TBC1D5: variants seen among roughly 807,000 people sequenced by gnomAD.
TBC1D5 encodes TBC1 domain family, member 5.
A neutral mutation model predicts 100.3 loss-of-function variants in TBC1D5; 75 were observed. The observed-to-expected ratio is 0.75, with a 90% confidence interval of 0.62 to 0.91. TBC1D5 has a LOEUF of 0.91. Ranked by LOEUF, TBC1D5 falls within the 40% of genes least tolerant of loss-of-function variation. The pLI, the probability that TBC1D5 is intolerant of heterozygous loss-of-function variation, is 0.00. For synonymous variants in TBC1D5, 323 were observed against 325.6 expected, an observed-to-expected ratio of 0.99 and a Z score of 0.09; for missense variants, 910 against 942.4, an observed-to-expected ratio of 0.97 and a Z score of 0.45.
In TBC1D5 at chr3:17,690,427, G is replaced by A. The variant is rs1321253131; in HGVS notation, c.-101+48916C>T. Among the ~76,000 whole-genome samples, 4 of 39,878 alleles carry A rather than the reference G, an allele frequency of 1.0e-4. 1 individual carries two copies. Among genetic ancestry groups the A allele is most frequent in the Admixed American group, 6.3e-4 (2 of 3,152 alleles). 26.2% of individuals were successfully genotyped at this position (39,878 alleles called of 152,430 possible). A position where few individuals can be genotyped will look rare whatever the true frequency, so the allele number is the denominator to read the frequency against. On this transcript the variant is annotated intron_variant, in intron 1 of 21. Transcript: ENST00000253692. ...GAGACGGGGTTTCACCGTTTTAGCC[G>A]GGATGGTCTCGATCTCCTGACCTCG...
chr3:17,690,202 A>ATT lies in TBC1D5; in HGVS notation c.-101+49140_-101+49141insAA, dbSNP rs1330856968. On this transcript the variant is annotated intron_variant, in intron 1 of 21. Transcript: ENST00000253692. The stretch of plus-strand genomic sequence containing the variant: ...AGAGAACTGAAGCATAAAAATAGCC[A>ATT]TATTTTTTTTTTTTTTTTTTTTTTT... Among the ~76,000 whole-genome samples the ATT allele has an allele frequency of 5.7e-4, 35 of 61,028 alleles. 5 individuals are homozygous for ATT. The highest frequency in any genetic ancestry group is 1.7e-3 in the African/African-American group (30 of 17,678). 40.0% of individuals were successfully genotyped at this position (61,028 alleles called of 152,430 possible). A position where few individuals can be genotyped will look rare whatever the true frequency, so the allele number is the denominator to read the frequency against.
intron 4 of TBC1D5, among the ~76,000 whole-genome samples, chr3:17,420,607 C>CT (rs1185625939): frequency 6.6e-6 from 1 of 152,082 alleles, no homozygotes; most frequent in African/African-American, 2.4e-5. Flanking sequence ...ATTTTTAAGT[C>CT]TATTTTTGAA....
chr3:17,668,642 T>C (rs189758065), intron 1 of TBC1D5, among the ~76,000 whole-genome samples: 1 of 152,290 alleles, frequency 6.6e-6, no homozygotes, highest in South Asian at 2.1e-4. Flanking sequence ...CTGGCATCCA[T>C]AGGCCACTTC....
chr3:17,735,313 G>A (rs1484053080), intron 1 of TBC1D5, among the ~76,000 whole-genome samples: 1 of 152,156 alleles, frequency 6.6e-6, no homozygotes, highest in Non-Finnish European at 1.5e-5. Flanking sequence ...ATAGTATGGG[G>A]CCACTAAAAG....
rs376487266 is a variant in TBC1D5, at chr3:17,221,478, T to TG, written c.1589-7109_1589-7108insC. Among the ~76,000 whole-genome samples, 1,392 of 152,130 alleles carry TG rather than the reference T, an allele frequency of 9.2e-3. 23 individuals are homozygous for TG. Among genetic ancestry groups the TG allele is most frequent in the African/African-American group, 0.031 (1,299 of 41,476 alleles). ...AGTCCCCAGTGTGTGATGTTCCCCT[T>TG]CCTGTGAGTTCTTAAAGTAGAAGAG... On this transcript the variant is annotated intron_variant, in intron 17 of 21. Coordinates refer to ENST00000253692, the Ensembl canonical transcript of TBC1D5.
At chr3:17,730,228 T>TGTAGCAAATTAAGTAAA in intron 1 of TBC1D5, among the ~76,000 whole-genome samples, 1 of 152,226 alleles carries the variant, frequency 6.6e-6, no homozygotes, top group East Asian at 1.9e-4. Context: ...TTTAAGTTTG[T>TGTAGCAAATTAAGTAAA]GTAGCAAATT....
intron 13 of TBC1D5, among the ~76,000 whole-genome samples, chr3:17,359,308 C>T (rs1283275988): frequency 6.6e-6 from 1 of 152,040 alleles, no homozygotes; most frequent in African/African-American, 2.4e-5. Context: ...CATCTTATGA[C>T]ATTATGAAAG....
chr3:17,630,968 C>T (rs915211052), intron 1 of TBC1D5, among the ~76,000 whole-genome samples: 34 of 146,392 alleles, frequency 2.3e-4, no homozygotes, highest in African/African-American at 7.9e-4. Flanking sequence ...GGTGTGAACC[C>T]GGGAGGCAGA....
At chr3:17,390,235 C>G (rs541281885) in intron 8 of TBC1D5, among the ~76,000 whole-genome samples, 1 of 152,110 alleles carries the variant, frequency 6.6e-6, no homozygotes, top group East Asian at 1.9e-4. Flanking sequence ...CTTTGGAGCC[C>G]CAATAACCAG....
At chr3:17,215,200 A>T (rs2073480429) in intron 17 of TBC1D5, among the ~76,000 whole-genome samples, 1 of 152,152 alleles carries the variant, frequency 6.6e-6, no homozygotes, top group African/African-American at 2.4e-5. Flanking sequence ...GAACAGAATC[A>T]GAGATGGTCA....
At chr3:17,391,062 C>T (rs1026778750) in intron 8 of TBC1D5, among the ~76,000 whole-genome samples, 18 of 152,224 alleles carry the variant, frequency 1.2e-4, no homozygotes, top group Non-Finnish European at 2.6e-4. Context: ...CGGCAGGCCT[C>T]TGTACACATT....
chr3:17,412,857 A>G (rs1473934878), intron 4 of TBC1D5, among the ~76,000 whole-genome samples: 3 of 152,190 alleles, frequency 2.0e-5, no homozygotes, highest in Non-Finnish European at 4.4e-5. Context: ...AAAGGGAAAC[A>G]TGATTCTCCA....
intron 1 of TBC1D5, among the ~76,000 whole-genome samples, chr3:17,689,561 G>A (rs1230298072): frequency 6.6e-6 from 1 of 151,262 alleles, no homozygotes; most frequent in Non-Finnish European, 1.5e-5. Flanking sequence ...AAAAAAGGGA[G>A]GGAGGGGAAT....
intron 3 of TBC1D5, among the ~76,000 whole-genome samples, chr3:17,471,670 CAAAA>C (rs753132440): frequency 4.5e-5 from 1 of 22,288 alleles, no homozygotes; most frequent in Non-Finnish European, 9.3e-5. Context: ...GACTCCGTCT[CAAAA>C]AAAAAAAAAA....
intron 4 of TBC1D5, among the ~76,000 whole-genome samples, chr3:17,410,586 T>C (rs564274104): frequency 2.0e-5 from 3 of 152,230 alleles, no homozygotes; most frequent in East Asian, 3.9e-4. Context: ...TTAAGAACAT[T>C]AGAGATTCGT....
chr3:17,272,143 G>A (rs541578419), intron 15 of TBC1D5, among the ~76,000 whole-genome samples: 1 of 152,256 alleles, frequency 6.6e-6, no homozygotes, highest in African/African-American at 2.4e-5. Flanking sequence ...TTGCTGTTGC[G>A]ATTCTTAGAG....
chr3:17,616,712 C>T (rs1045131829), intron 2 of TBC1D5, among the ~76,000 whole-genome samples: 2 of 151,970 alleles, frequency 1.3e-5, no homozygotes, highest in African/African-American at 2.4e-5. Flanking sequence ...GATTGCAACC[C>T]CTGCCTTTTT....
intron 13 of TBC1D5, among the ~76,000 whole-genome samples, chr3:17,328,907 T>C (rs749271228): frequency 2.2e-4 from 33 of 152,286 alleles, no homozygotes; most frequent in Non-Finnish European, 4.3e-4. Flanking sequence ...TTGGCATAAA[T>C]TGTTTATAAC....
intron 3 of TBC1D5, among the ~76,000 whole-genome samples, chr3:17,486,489 T>C (rs2095570223): frequency 6.6e-6 from 1 of 152,204 alleles, no homozygotes; most frequent in African/African-American, 2.4e-5. Flanking sequence ...GTTTCAGTCT[T>C]TAATCCATCT....
Sources: allele counts gnomAD v4.1 joint callset (sites outside exome capture counted in the v4.1 genomes callset), GRCh38; gene constraint gnomAD v4.1.1; transcripts MANE v1.5; gene names NCBI Gene and HGNC (gene_info 2026-07-23, HGNC 2026-07-21).